The following GABRA3 variants were observed in gnomAD, a reference collection of about 807,000 sequenced individuals.
GABRA3 encodes the protein gamma-aminobutyric acid receptor subunit alpha-3.
In GABRA3, 10 loss-of-function variants were observed where a neutral mutation model predicts 30.1. The ratio of observed to expected loss-of-function variants is 0.33; its 90% CI spans 0.20 to 0.56. The LOEUF is 0.56. Among genes scored for constraint, GABRA3 ranks in the 20% least tolerant of loss-of-function variants. GABRA3 has a pLI of 0.89. For synonymous variants in GABRA3, 151 were observed against 146.8 expected (o/e 1.03, Z -0.21); for missense variants, 233 against 392.0 (o/e 0.59, Z 3.42).
chrX:152,325,932 T>A (rs774143895), intron 3 of GABRA3, among the ~76,000 whole-genome samples: 7 of 110,695 alleles, frequency 6.3e-5, no homozygotes, highest in African/African-American at 2.0e-4. Flanking sequence ...TTCGAACCCA[T>A]CACAAACAAG....
At chrX:152,286,223 A>G (rs1314072372) in intron 3 of GABRA3, among the ~76,000 whole-genome samples, 4 of 102,017 alleles carry the variant, frequency 3.9e-5, no homozygotes, top group African/African-American at 1.6e-4. Flanking sequence ...TACCCAGAGA[A>G]GTGAAGTTTT....
chrX:152,239,649 C>A (rs1478995324), intron 5 of GABRA3, among the ~76,000 whole-genome samples: 4 of 89,730 alleles, frequency 4.5e-5, no homozygotes, highest in East Asian at 8.1e-4. Context: ...GTAGGTCACT[C>A]AGGACTTGCT....
At chrX:152,408,246 A>C (rs2124527814) in intron 1 of GABRA3, among the ~76,000 whole-genome samples, 1 of 111,791 alleles carries the variant, frequency 8.9e-6, no homozygotes, top group Non-Finnish European at 1.9e-5. Context: ...AGATAAAGAA[A>C]TAAGGGGCAT....
At chrX:152,216,458 G>C (rs1463995851) in intron 6 of GABRA3, among the ~76,000 whole-genome samples, 1 of 102,898 alleles carries the variant, frequency 9.7e-6, no homozygotes, top group African/African-American at 3.5e-5. Context: ...ATGCTATTCA[G>C]CCATAAAAAG....
chrX:152,191,276 T>A (rs986727184), intron 8 of GABRA3, among the ~76,000 whole-genome samples: 8 of 110,511 alleles, frequency 7.2e-5, no homozygotes, highest in Non-Finnish European at 1.3e-4. Flanking sequence ...ATTTTACAAT[T>A]GCTAGTGATG....
At chrX:152,279,485 C>A (rs1939157246) in intron 4 of GABRA3, among the ~76,000 whole-genome samples, 1 of 111,649 alleles carries the variant, frequency 9.0e-6, no homozygotes, top group Admixed American at 9.6e-5. Context: ...TGTTTTGGTA[C>A]CAGTACCATG....
intron 4 of GABRA3, among the ~76,000 whole-genome samples, chrX:152,264,890 A>C (rs187489376): frequency 1.3e-3 from 143 of 111,881 alleles, no homozygotes; most frequent in Non-Finnish European, 2.3e-3. Context: ...AAACTATAAG[A>C]AGATACAAAG....
chrX:152,390,823 G>C (rs1281192244), intron 1 of GABRA3, among the ~76,000 whole-genome samples: 2 of 110,841 alleles, frequency 1.8e-5, no homozygotes, highest in Admixed American at 1.9e-4. Context: ...CAAGCACTAA[G>C]CACTTTAAAA....
intron 4 of GABRA3, among the ~76,000 whole-genome samples, chrX:152,263,669 G>T (rs1487270669): frequency 9.0e-6 from 1 of 111,228 alleles, no homozygotes; most frequent in African/African-American, 3.3e-5. Context: ...TTTATTGAAA[G>T]GGACAATAAA....
At chrX:152,295,560 G>A (rs1354052489) in intron 3 of GABRA3, among the ~76,000 whole-genome samples, 1 of 112,905 alleles carries the variant, frequency 8.9e-6, no homozygotes, top group Non-Finnish European at 1.9e-5. Context: ...GAAAAGCACA[G>A]TATTTGGGCG....
rs1939716095 is a variant in GABRA3 at position 152,306,114 on chromosome X, A to G, written c.263-21379T>C. Among the ~76,000 whole-genome samples the G allele has an allele frequency of 2.7e-5, 3 of 112,333 alleles. No individual in the cohort carries two copies. In the South Asian group the frequency reaches 1.1e-3, roughly 41 times the overall value. ...TATCAATACATGATCACGGTAATGC[A>G]AATTAAAAGCTGGTACTATTTCACA... On this transcript the variant is annotated intron_variant, in intron 3 of 9. Coordinates refer to ENST00000370314, the MANE Select transcript of GABRA3 (RefSeq NM_000808.4).
intron 3 of GABRA3, among the ~76,000 whole-genome samples, chrX:152,302,930 T>C (rs1275995181): frequency 8.9e-6 from 1 of 111,975 alleles, no homozygotes; most frequent in Non-Finnish European, 1.9e-5. Context: ...TATGACTGTG[T>C]AGGATTCCGT....
intron 3 of GABRA3, among the ~76,000 whole-genome samples, chrX:152,332,605 G>C (rs1396802218): frequency 1.8e-5 from 2 of 111,705 alleles, no homozygotes; most frequent in East Asian, 5.7e-4. Context: ...TTACAGATGA[G>C]AAAACAGACT....
In GABRA3 at chrX:152,278,711, T is replaced by C. The variant is rs760235662; in HGVS notation, c.330+5957A>G. On this transcript the variant is annotated intron_variant, in intron 4 of 9. Transcript: ENST00000370314. The stretch of plus-strand genomic sequence containing the variant: ...CTGACTTCCGCAATAGTTGAACTAG[T>C]TTACACTCTCACCAACAGTGTAAAA... Among the ~76,000 whole-genome samples, 3 of 111,874 alleles carry C rather than the reference T, an allele frequency of 2.7e-5. No homozygotes were observed. The South Asian group carries it at 1.1e-3, about 42-fold the overall frequency.
At chrX:152,345,449 T>G (rs189954429) in intron 3 of GABRA3, 132 bp downstream of exon 3, 3 of 661,792 alleles carry the variant, frequency 4.5e-6, no homozygotes, top group African/African-American at 2.2e-5. Context: ...TTAGTGCTCA[T>G]AGGGAAGAAA....
rs372546875 is a variant in GABRA3 at position 152,199,148 on chromosome X, C to T, written c.779-1363G>A. On this transcript the variant is annotated intron_variant, in intron 7 of 9. Transcript: ENST00000370314. ...TTGGGAGGCCAAGGCGGGCAGATTACGAGGTCAGGAGATCGAGACCATCCT... is the reference window on the plus strand; with the variant it reads ...TTGGGAGGCCAAGGCGGGCAGATTATGAGGTCAGGAGATCGAGACCATCCT... 5.2e-3 allele frequency among the ~76,000 whole-genome samples: 580 copies of T among 110,739 alleles called. 1 individual carries two copies. The highest frequency in any genetic ancestry group is 0.026 in the South Asian group (66 of 2,584).
intron 1 of GABRA3, among the ~76,000 whole-genome samples, chrX:152,418,130 G>T (rs1006318045): frequency 3.6e-5 from 4 of 110,608 alleles, no homozygotes. Context: ...TAATAGTACC[G>T]GCCATCAGAT....
chrX:152,414,135 C>G (rs1002144829), intron 1 of GABRA3, among the ~76,000 whole-genome samples: 1 of 111,187 alleles, frequency 9.0e-6, no homozygotes, highest in Admixed American at 9.6e-5. Context: ...ACATTCATCC[C>G]AAAGAAATGG....
intron 9 of GABRA3, among the ~76,000 whole-genome samples, chrX:152,178,943 T>C (rs1207618610): frequency 1.8e-5 from 2 of 111,915 alleles, no homozygotes; most frequent in Non-Finnish European, 3.8e-5. Flanking sequence ...TGTCTTTTCA[T>C]GATAAATGAT....
Sources: allele counts gnomAD v4.1 joint callset (sites outside exome capture counted in the v4.1 genomes callset), GRCh38; gene constraint gnomAD v4.1.1; transcripts MANE v1.5; gene names NCBI Gene and HGNC (gene_info 2026-07-23, HGNC 2026-07-21).